Variants in AGPS observed in about 807,000 individuals in gnomAD.
AGPS encodes alkyldihydroxyacetonephosphate synthase, peroxisomal.
A neutral mutation model predicts 90.7 loss-of-function variants in AGPS; 26 were observed. The ratio of observed to expected loss-of-function variants is 0.29; its 90% CI spans 0.21 to 0.40. The LOEUF is 0.40. Ranked by LOEUF, AGPS falls within the 10% of genes least tolerant of loss-of-function variation. The pLI is 1.00. For synonymous variants in AGPS, 294 were observed against 285.3 expected (o/e 1.03, Z -0.31); for missense variants, 540 against 816.1 (o/e 0.66, Z 4.12).
chr2:177,502,345 T>A (rs1001856464), intron 14 of AGPS, among the ~76,000 whole-genome samples: 4 of 152,040 alleles, frequency 2.6e-5, no homozygotes, highest in African/African-American at 9.7e-5. Flanking sequence ...GTGGACATCT[T>A]CTATTTTAAA....
At chr2:177,459,796 C>T (rs1687232629) in intron 8 of AGPS, among the ~76,000 whole-genome samples, 2 of 152,122 alleles carry the variant, frequency 1.3e-5, no homozygotes, top group South Asian at 4.1e-4. Context: ...ACCATTTGAC[C>T]CAGCAATCCC....
At chr2:177,419,579 T>A (rs1685885715) in intron 1 of AGPS, among the ~76,000 whole-genome samples, 1 of 151,926 alleles carries the variant, frequency 6.6e-6, no homozygotes, top group African/African-American at 2.4e-5. Flanking sequence ...TAAATAAGGA[T>A]TTTTACAACT....
At chr2:177,489,248 C>T (rs1307764242) in intron 11 of AGPS, among the ~76,000 whole-genome samples, 1 of 152,006 alleles carries the variant, frequency 6.6e-6, no homozygotes, top group African/African-American at 2.4e-5. Flanking sequence ...CCACACCAGA[C>T]TAATTTTTTG....
At chr2:177,449,074 T>G (rs1686860686) in intron 8 of AGPS, among the ~76,000 whole-genome samples, 1 of 152,260 alleles carries the variant, frequency 6.6e-6, no homozygotes, top group African/African-American at 2.4e-5. Context: ...GCCACTGTTT[T>G]GTTTATACAT....
intron 7 of AGPS, among the ~76,000 whole-genome samples, chr2:177,442,708 G>A (rs1686644318): frequency 6.6e-6 from 1 of 151,690 alleles, no homozygotes. Flanking sequence ...TTAACCGAGT[G>A]TGGTGGTGTG....
At chr2:177,504,789 C>T (rs1408287839) in intron 14 of AGPS, among the ~76,000 whole-genome samples, 2 of 151,974 alleles carry the variant, frequency 1.3e-5, no homozygotes, top group African/African-American at 4.8e-5. Context: ...TAATTAAAAA[C>T]TATTTACTAA....
chr2:177,465,361 C>T (rs1341593154), intron 9 of AGPS, among the ~76,000 whole-genome samples: 3 of 152,144 alleles, frequency 2.0e-5, no homozygotes, highest in Non-Finnish European at 4.4e-5. Flanking sequence ...TCGTATTCAT[C>T]CTTCTGTCAT....
intron 1 of AGPS, among the ~76,000 whole-genome samples, chr2:177,417,146 A>C (rs1336774212): frequency 2.6e-5 from 4 of 152,218 alleles, no homozygotes; most frequent in African/African-American, 9.6e-5. Context: ...CAGGGTGAGC[A>C]TCCTTAATTT....
At chr2:177,437,136 G>T in intron 5 of AGPS, 82 bp downstream of exon 5, 1 of 1,308,116 alleles carries the variant, frequency 7.6e-7, no homozygotes, top group South Asian at 1.2e-5. Context: ...GTACTTTTTG[G>T]CATATGAGTT....
intron 19 of AGPS, among the ~76,000 whole-genome samples, chr2:177,527,618 A>G (rs7604673): frequency 0.72 from 109,386 of 151,996 alleles, 39,653 homozygotes; most frequent in Admixed American, 0.78. Context: ...GGTTCCTAAC[A>G]TGTCAGCAGT....
At chr2:177,459,775 G>T (rs1687232233) in intron 8 of AGPS, among the ~76,000 whole-genome samples, 1 of 152,162 alleles carries the variant, frequency 6.6e-6, no homozygotes, top group East Asian at 1.9e-4. Flanking sequence ...CAAGGATCTA[G>T]AACTAGAAAT....
At chr2:177,508,302 A>G (rs139181126) in intron 16 of AGPS, among the ~76,000 whole-genome samples, 1 of 152,336 alleles carries the variant, frequency 6.6e-6, no homozygotes, top group Non-Finnish European at 1.5e-5. Flanking sequence ...TTGAATGCTC[A>G]GTGTTACTAT....
At chr2:177,497,049 C>T (rs1688434215) in intron 12 of AGPS, among the ~76,000 whole-genome samples, 1 of 151,978 alleles carries the variant, frequency 6.6e-6, no homozygotes, top group Non-Finnish European at 1.5e-5. Context: ...TTACTACTTT[C>T]TGAAAAGTGA....
intron 14 of AGPS, among the ~76,000 whole-genome samples, chr2:177,500,614 C>T (rs543745864): frequency 4.0e-5 from 6 of 151,636 alleles, no homozygotes; most frequent in South Asian, 2.1e-4. Context: ...TTAGTGTTAA[C>T]GTGCAGTATT....
At chr2:177,434,545 T>G in intron 3 of AGPS, 128 bp downstream of exon 3, 1 of 724,250 alleles carries the variant, frequency 1.4e-6, no homozygotes, top group Non-Finnish European at 2.3e-6. Context: ...ATAAAGCCTA[T>G]TAATTATATT....
intron 1 of AGPS, among the ~76,000 whole-genome samples, chr2:177,406,124 C>G (rs1685460453): frequency 6.6e-6 from 1 of 152,162 alleles, no homozygotes. Flanking sequence ...CAGATGGACT[C>G]TATTATCGAC....
At chr2:177,477,104 T>A (rs1040561093) in intron 10 of AGPS, among the ~76,000 whole-genome samples, 1 of 152,118 alleles carries the variant, frequency 6.6e-6, no homozygotes, top group Admixed American at 6.5e-5. Context: ...ACTATCTTTG[T>A]CTTTTCTTTT....
chr2:177,513,039 C>G (rs957404961), intron 16 of AGPS, among the ~76,000 whole-genome samples: 11 of 151,386 alleles, frequency 7.3e-5, no homozygotes, highest in Non-Finnish European at 1.5e-5. Context: ...GAGACAAGGT[C>G]TCACTATATT....
chr2:177,490,880 A>C (rs779037317), intron 11 of AGPS, among the ~76,000 whole-genome samples: 1 of 117,692 alleles, frequency 8.5e-6, no homozygotes, highest in Non-Finnish European at 1.7e-5. Context: ...TTAAAGACAG[A>C]GTTTTGCTTT....
Sources: gnomAD v4.1 joint callset for allele counts (sites outside exome capture counted in the v4.1 genomes callset) on GRCh38, gnomAD v4.1.1 for gene constraint, MANE v1.5 for transcripts, NCBI Gene and HGNC (gene_info 2026-07-23, HGNC 2026-07-21) for gene names.